The following ITPR2 variants were observed in gnomAD, a reference collection of about 807,000 sequenced individuals.
The protein encoded by ITPR2 is inositol 1,4,5-trisphosphate receptor type 2.
In ITPR2, 207 loss-of-function variants were observed where a neutral mutation model predicts 317.1. That is an observed-to-expected ratio of 0.65 (90% CI 0.58 to 0.73). The LOEUF is 0.73. Among genes scored for constraint, ITPR2 ranks in the 30% least tolerant of loss-of-function variants. The pLI is 0.00. For synonymous variants in ITPR2, 1,156 were observed against 1,149.1 expected (o/e 1.01, Z -0.12); for missense variants, 2,613 against 3,284.0 (o/e 0.80, Z 4.99).
chr12:26,517,731 G>C (rs1260889098), intron 37 of ITPR2, among the ~76,000 whole-genome samples: 2 of 152,078 alleles, frequency 1.3e-5, no homozygotes, highest in Non-Finnish European at 2.9e-5. Context: ...CCAGCTACTC[G>C]GGAGGTTGAG....
chr12:26,584,057 C>T (rs1251391643), intron 32 of ITPR2, among the ~76,000 whole-genome samples: 1 of 152,148 alleles, frequency 6.6e-6, no homozygotes, highest in East Asian at 1.9e-4. Flanking sequence ...CTATTAGACC[C>T]TTTCTCCCAA....
At chr12:26,606,655 G>C (rs1946134954) in intron 26 of ITPR2, among the ~76,000 whole-genome samples, 1 of 151,670 alleles carries the variant, frequency 6.6e-6, no homozygotes, top group South Asian at 2.1e-4. Flanking sequence ...GCACTGGCTA[G>C]GTATGATAAC....
intron 32 of ITPR2, among the ~76,000 whole-genome samples, chr12:26,595,153 C>T (rs1565628061): frequency 6.6e-6 from 1 of 152,166 alleles, no homozygotes; most frequent in Non-Finnish European, 1.5e-5. Flanking sequence ...TGCAAATTGA[C>T]CTCTGCCAAA....
intron 45 of ITPR2, among the ~76,000 whole-genome samples, chr12:26,470,396 AAG>A (rs1173004761): frequency 6.6e-6 from 1 of 152,244 alleles, no homozygotes; most frequent in Non-Finnish European, 1.5e-5. Flanking sequence ...GAAAACATAA[AAG>A]CCAGTAAATC....
chr12:26,353,407 A>G (rs905921571), intron 55 of ITPR2, among the ~76,000 whole-genome samples: 1 of 152,240 alleles, frequency 6.6e-6, no homozygotes, highest in Non-Finnish European at 1.5e-5. Context: ...AATGCTGAAT[A>G]GCCAGTGATG....
chr12:26,395,610 G>A (rs1335692703), intron 54 of ITPR2, among the ~76,000 whole-genome samples: 3 of 152,154 alleles, frequency 2.0e-5, no homozygotes, highest in African/African-American at 4.8e-5. Context: ...GGGCATGGAG[G>A]AAGAAGCAGT....
rs1222736355 is a variant in ITPR2 at position 26,831,908 on chromosome 12, C to A, written c.92+782G>T. Among the ~76,000 whole-genome samples, 1 of 142,060 alleles carries A rather than the reference C, an allele frequency of 7.0e-6. No individual in the cohort carries two copies. Among genetic ancestry groups the A allele is most frequent in the Non-Finnish European group, 1.5e-5 (1 of 65,340 alleles). 93.2% of individuals were successfully genotyped at this position (142,060 alleles called of 152,430 possible). ...TTTCCCTCATTCATAAACATATATA[C>A]ATATATGTGTATATATATATATATT... On this transcript the variant is annotated intron_variant, in intron 1 of 56. Coordinates refer to ENST00000381340, the MANE Select transcript of ITPR2 (RefSeq NM_002223.4). The surrounding 1 kb of genome is among the most constrained non-coding windows in gnomAD (Gnocchi z 4.9).
intron 54 of ITPR2, among the ~76,000 whole-genome samples, chr12:26,395,633 C>T (rs1438707196): frequency 6.6e-6 from 1 of 152,158 alleles, no homozygotes; most frequent in Non-Finnish European, 1.5e-5. Flanking sequence ...AAAAGAAAGA[C>T]CACGAGATAC....
chr12:26,605,126 A>ATATATATATATATATATAT (rs373595249), intron 26 of ITPR2, among the ~76,000 whole-genome samples: 11 of 136,298 alleles, frequency 8.1e-5, no homozygotes, highest in South Asian at 4.7e-4. Flanking sequence ...AAAAAATAAA[A>ATATATATATATATATATAT]ATATATATAT....
At chr12:26,809,803 T>A (rs999607601) in intron 1 of ITPR2, among the ~76,000 whole-genome samples, 2 of 152,220 alleles carry the variant, frequency 1.3e-5, no homozygotes, top group Non-Finnish European at 2.9e-5. Context: ...CTGTTGGGCA[T>A]GCTATAAATA....
At chr12:26,382,824 A>T (rs763719653) in intron 55 of ITPR2, among the ~76,000 whole-genome samples, 1 of 152,196 alleles carries the variant, frequency 6.6e-6, no homozygotes, top group African/African-American at 2.4e-5. Flanking sequence ...CTTTATTTAC[A>T]ATGTATGTTT....
At chr12:26,710,740 A>C (rs1200799816) in intron 9 of ITPR2, among the ~76,000 whole-genome samples, 1 of 152,206 alleles carries the variant, frequency 6.6e-6, no homozygotes, top group East Asian at 1.9e-4. Context: ...TTTCCTTCCC[A>C]ATGATTTGAA....
intron 26 of ITPR2, among the ~76,000 whole-genome samples, chr12:26,612,384 A>G (rs1368333205): frequency 2.6e-5 from 4 of 152,138 alleles, no homozygotes; most frequent in African/African-American, 9.7e-5. Context: ...GATTTACTAA[A>G]CAACAAAGGA....
Position 26,690,131 on chromosome 12 carries a change from G to C in ITPR2, c.997-3499C>G, listed in dbSNP as rs373918380. Reference sequence around the variant, plus strand: ...CAGTCAGTTATACAAATAACCTAAAGGATTTTTGTGACTATTACGGCAATG... The same window carrying C: ...CAGTCAGTTATACAAATAACCTAAACGATTTTTGTGACTATTACGGCAATG... On this transcript the variant is annotated intron_variant, in intron 10 of 56. Coordinates refer to ENST00000381340, the MANE Select transcript of ITPR2 (RefSeq NM_002223.4). Among the ~76,000 whole-genome samples, 102 of 152,294 alleles carry C rather than the reference G, an allele frequency of 6.7e-4. 1 individual carries two copies. In the South Asian group the frequency reaches 9.3e-3, roughly 14 times the overall value.
In ITPR2 at chr12:26,655,830, A is replaced by T. The variant is rs1281057706; in HGVS notation, c.2467T>A (p.Ser823Thr). The T allele has an allele frequency of 6.2e-7, 1 of 1,611,642 alleles. No individual in the cohort carries two copies. ...AATTTCCTCTTCATATCATTTCTGG[A>T]AGAGTCTGTTATAGAATCATATCTG... is the stretch of plus-strand genomic sequence containing the variant. Reference protein sequence around the residue: ...IHEYDSITDSSRNDMKRKFAL... With the variant: ...IHEYDSITDSTRNDMKRKFAL... The change falls in exon 20 of 57, where the codon TCC becomes ACC. Residue 823 changes from serine to threonine, a missense_variant. By Grantham distance (58) the Ser-to-Thr change is moderately conservative. Around this residue, in one of 9 missense-constraint regions of ITPR2, gnomAD observed 817 missense variants for 897.6 expected, o/e 0.91. Transcript: ENST00000381340.
At chr12:26,653,374 T>A (rs1947300777) in intron 21 of ITPR2, among the ~76,000 whole-genome samples, 1 of 151,582 alleles carries the variant, frequency 6.6e-6, no homozygotes, top group Non-Finnish European at 1.5e-5. Context: ...CCCGAGTAGC[T>A]GGAATTACAG....
rs79829928 is a variant in ITPR2 at position 26,602,458 on chromosome 12, T to C, written c.3590A>G (p.Lys1197Arg). The change falls in exon 28 of 57, where the codon AAA becomes AGA. Residue 1197 changes from lysine to arginine, a missense_variant. Transcript: ENST00000381340. ...TCGTTGATGTTGATTCCGACACTTT[T>C]TATTCTGCACACAGAGTTTACTTAG... is the stretch of plus-strand genomic sequence containing the variant. ...IRLSKLCVQN[K>R]KCRNQHQRLL... 14 of 1,613,774 alleles carry C rather than the reference T, an allele frequency of 8.7e-6. No homozygotes were observed. In the East Asian group the frequency reaches 2.5e-4, roughly 28 times the overall value.
intron 2 of ITPR2, among the ~76,000 whole-genome samples, chr12:26,771,313 G>T (rs920081531): frequency 6.6e-6 from 1 of 152,062 alleles, no homozygotes; most frequent in Non-Finnish European, 1.5e-5. Context: ...TACTTTCCTT[G>T]TATTCCTTTT....
intron 2 of ITPR2, among the ~76,000 whole-genome samples, chr12:26,746,582 C>G (rs1949328933): frequency 6.6e-6 from 1 of 152,098 alleles, no homozygotes; most frequent in Admixed American, 6.5e-5. Context: ...AGATTCATAC[C>G]ACCCCTGGCT....
Sources: allele counts gnomAD v4.1 joint callset (sites outside exome capture counted in the v4.1 genomes callset), GRCh38; gene constraint gnomAD v4.1.1; regional missense constraint gnomAD v4.1.1; non-coding constraint Gnocchi (gnomAD v3.1); transcripts MANE v1.5; gene names NCBI Gene and HGNC (gene_info 2026-07-23, HGNC 2026-07-21).